Variants in PDE3B observed in about 807,000 individuals in gnomAD.
The protein encoded by PDE3B is phosphodiesterase 3B.
PDE3B carries 66 observed loss-of-function variants against 116.8 expected under a neutral mutation model. The observed-to-expected ratio is 0.56, with a 90% confidence interval of 0.46 to 0.69. The LOEUF (loss-of-function observed/expected upper bound fraction) is 0.69. PDE3B is among the 30% of genes least tolerant of loss of function. The pLI is 0.00. For synonymous variants in PDE3B, 595 were observed against 533.6 expected (o/e 1.12, Z -1.59); for missense variants, 1,384 against 1,368.1 (o/e 1.01, Z -0.18).
chr11:14,826,753 G>A (rs1435124853), intron 7 of PDE3B, among the ~76,000 whole-genome samples: 1 of 151,116 alleles, frequency 6.6e-6, no homozygotes, highest in Admixed American at 6.6e-5. Context: ...ACAAAAAACT[G>A]AAGAGGAAGG....
At chr11:14,746,165 G>A (rs1245906625) in intron 1 of PDE3B, among the ~76,000 whole-genome samples, 2 of 152,192 alleles carry the variant, frequency 1.3e-5, no homozygotes, top group African/African-American at 4.8e-5. Flanking sequence ...AGGCCAAGGC[G>A]GATGGATCAC....
intron 1 of PDE3B, among the ~76,000 whole-genome samples, chr11:14,769,250 G>T (rs916798982): frequency 6.6e-6 from 1 of 151,258 alleles, no homozygotes; most frequent in Non-Finnish European, 1.5e-5. Context: ...ATATTGTAAT[G>T]TACAATATTG....
chr11:14,790,203 ACTC>A (rs1402650974), intron 4 of PDE3B, among the ~76,000 whole-genome samples: 3 of 151,926 alleles, frequency 2.0e-5, no homozygotes, highest in African/African-American at 7.2e-5. Context: ...AAGCAGGTGA[ACTC>A]CTTTTTTGTA....
At chr11:14,792,496 G>A (rs1394172070) in intron 4 of PDE3B, among the ~76,000 whole-genome samples, 3 of 151,992 alleles carry the variant, frequency 2.0e-5, no homozygotes, top group African/African-American at 7.2e-5. Flanking sequence ...AAAAAATTAA[G>A]TATTATAACC....
chr11:14,846,776 A>C (rs1565162689), intron 12 of PDE3B, among the ~76,000 whole-genome samples: 1 of 152,292 alleles, frequency 6.6e-6, no homozygotes, highest in South Asian at 2.1e-4. Flanking sequence ...GATCAATTCA[A>C]CAAGAAGAGC....
In PDE3B at chr11:14,715,647, A is replaced by AAGG. The variant is rs541495599; in HGVS notation, c.979-56288_979-56287insGAG. Among the ~76,000 whole-genome samples the AAGG allele has an allele frequency of 2.0e-3, 299 of 152,184 alleles. 1 individual carries two copies. The highest frequency in any genetic ancestry group is 6.6e-3 in the African/African-American group (275 of 41,524). On this transcript the variant is annotated intron_variant, in intron 1 of 15. Coordinates refer to ENST00000282096, the MANE Select transcript of PDE3B (RefSeq NM_000922.4). ...CTTTGCTGAAGTTGCCTATCAGCTT[A>AAGG]AGATTTTGGGCTGAGACGATGGGGT... is the stretch of plus-strand genomic sequence containing the variant.
chr11:14,847,168 A>G (rs1462759468), intron 12 of PDE3B, among the ~76,000 whole-genome samples: 3 of 152,236 alleles, frequency 2.0e-5, no homozygotes, highest in African/African-American at 7.2e-5. Flanking sequence ...ATCAAACTGG[A>G]ACTCAGGATT....
In PDE3B at chr11:14,766,041, C is replaced by T. The variant is rs534682370; in HGVS notation, c.979-5896C>T. Among the ~76,000 whole-genome samples the T allele has an allele frequency of 6.6e-5, 10 of 151,484 alleles. No individual in the cohort carries two copies. The East Asian group carries it at 1.7e-3, about 26-fold the overall frequency. ...CTTAAAAGTTTTAATATACATGTAC[C>T]GCCAACTATGCATTCCGTATGCGTG... On this transcript the variant is annotated intron_variant, in intron 1 of 15. Coordinates refer to ENST00000282096, the MANE Select transcript of PDE3B (RefSeq NM_000922.4).
In PDE3B at chr11:14,644,451, G is replaced by C. The variant is rs758316479; in HGVS notation, c.376G>C (p.Ala126Pro). Residue 126 changes from alanine to proline, a missense_variant, in exon 1 of 16, where the codon GCC becomes CCC. By Grantham distance (27) the Ala-to-Pro change is conservative (BLOSUM62 -1). Around this residue, in one of 2 missense-constraint regions of PDE3B, gnomAD observed 956 missense variants for 806.8 expected, o/e 1.18. Transcript: ENST00000282096. Reference protein sequence around the residue: ...SHSLSPLFSIACAFFFLTCFL... With the variant: ...SHSLSPLFSIPCAFFFLTCFL... Reference sequence around the variant, plus strand: ...CAGCTTGAGCCCCCTCTTCAGCATCGCCTGTGCCTTCTTCTTCCTCACCTG... The same window carrying C: ...CAGCTTGAGCCCCCTCTTCAGCATCCCCTGTGCCTTCTTCTTCCTCACCTG... The C allele has an allele frequency of 6.2e-7, 1 of 1,613,134 alleles. No homozygotes were observed. The highest frequency in any genetic ancestry group is 1.1e-5 in the South Asian group (1 of 91,014).
At chr11:14,797,941 G>T (rs1055942387) in intron 4 of PDE3B, among the ~76,000 whole-genome samples, 7 of 152,112 alleles carry the variant, frequency 4.6e-5, no homozygotes, top group Admixed American at 3.3e-4. Flanking sequence ...TTGCCCGATT[G>T]CCCTGACCAG....
the PDE3B span, among the ~76,000 whole-genome samples, chr11:14,889,521 T>G: frequency 6.6e-6 from 1 of 152,174 alleles, no homozygotes; most frequent in South Asian, 2.1e-4. Context: ...TCTTTTTCAT[T>G]TTTGCTCCTT....
chr11:14,853,739 C>T (rs1027705716), intron 12 of PDE3B, among the ~76,000 whole-genome samples: 13 of 152,028 alleles, frequency 8.6e-5, no homozygotes, highest in African/African-American at 2.4e-4. Context: ...ATTCTTGCCA[C>T]GAAAGAAGGT....
At position 14,644,095 on chromosome 11, in the gene PDE3B, ACG is replaced by A; in HGVS notation, c.22_23del (p.Ala8GlnfsTer331). On this transcript the variant is annotated frameshift_variant, in exon 1 of 16. Transcript: ENST00000282096. LOFTEE classifies it high-confidence loss of function. ...CCAGCCATGAGGAGGGACGAGCGAGACGCCAAAGCCATGCGGTCCCTGCAGCC... is the reference window on the plus strand; with the variant it reads ...CCAGCCATGAGGAGGGACGAGCGAGACCAAAGCCATGCGGTCCCTGCAGCC... The A allele has an allele frequency of 5.8e-6, 9 of 1,557,766 alleles. No homozygotes were observed. The highest frequency in any genetic ancestry group is 7.7e-6 in the Non-Finnish European group (9 of 1,162,314).
chr11:14,661,257 T>G (rs1047135732), intron 1 of PDE3B, among the ~76,000 whole-genome samples: 1 of 152,216 alleles, frequency 6.6e-6, no homozygotes, highest in Non-Finnish European at 1.5e-5. Flanking sequence ...TAGCAAAGAC[T>G]TGGAACCAAG....
intron 1 of PDE3B, among the ~76,000 whole-genome samples, chr11:14,767,333 T>C (rs1449502323): frequency 6.6e-6 from 1 of 151,554 alleles, no homozygotes; most frequent in Non-Finnish European, 1.5e-5. Context: ...TTTTAGATAG[T>C]TGCTATTGTA....
At chr11:14,690,575 AT>A (rs1220736637) in intron 1 of PDE3B, among the ~76,000 whole-genome samples, 1 of 141,738 alleles carries the variant, frequency 7.1e-6, no homozygotes, top group South Asian at 2.2e-4. Context: ...CTCAGTAAGT[AT>A]TCACCTTTGT....
chr11:14,656,986 A>G (rs1590035912), intron 1 of PDE3B, among the ~76,000 whole-genome samples: 1 of 152,218 alleles, frequency 6.6e-6, no homozygotes, highest in African/African-American at 2.4e-5. Flanking sequence ...AGTATTTAGG[A>G]CAACAAAGAA....
chr11:14,746,814 G>A (rs137866599), intron 1 of PDE3B, among the ~76,000 whole-genome samples: 110 of 152,270 alleles, frequency 7.2e-4, no homozygotes, highest in Non-Finnish European at 1.3e-3. Flanking sequence ...TGGTAATTTT[G>A]GAAGATCCTA....
At chr11:14,854,716 C>A (rs1215392204) in intron 12 of PDE3B, among the ~76,000 whole-genome samples, 2 of 152,090 alleles carry the variant, frequency 1.3e-5, no homozygotes, top group African/African-American at 4.8e-5. Context: ...GGGGTTTCAC[C>A]ATGTTGGCCA....
Sources: gnomAD v4.1 joint callset for allele counts (sites outside exome capture counted in the v4.1 genomes callset) on GRCh38, gnomAD v4.1.1 for gene constraint, gnomAD v4.1.1 regional missense constraint, MANE v1.5 for transcripts, NCBI Gene and HGNC (gene_info 2026-07-23, HGNC 2026-07-21) for gene names.